Variants in SCLT1 observed in about 807,000 individuals in gnomAD.
The protein encoded by SCLT1 is sodium channel-associated protein 1.
A neutral mutation model predicts 112.8 loss-of-function variants in SCLT1; 78 were observed. The ratio of observed to expected loss-of-function variants is 0.69; its 90% CI spans 0.58 to 0.83. The LOEUF is 0.83. SCLT1 is among the 40% of genes least tolerant of loss of function. SCLT1 has a pLI of 0.00. For synonymous variants in SCLT1, 257 were observed against 254.7 expected (o/e 1.01, Z -0.09); for missense variants, 747 against 770.4 (o/e 0.97, Z 0.36).
intron 8 of SCLT1, among the ~76,000 whole-genome samples, chr4:128,993,937 T>C (rs903095223): frequency 6.6e-6 from 1 of 152,110 alleles, no homozygotes; most frequent in East Asian, 1.9e-4. Context: ...TAGAAATATA[T>C]ACTTTTATGT....
At chr4:129,006,442 GC>G (rs1466175867) in intron 5 of SCLT1, among the ~76,000 whole-genome samples, 1 of 151,288 alleles carries the variant, frequency 6.6e-6, no homozygotes, top group Non-Finnish European at 1.5e-5. Flanking sequence ...GGAGGCTGAG[GC>G]AGAAGAATTG....
Position 129,093,502 on chromosome 4 carries a change from C to G in SCLT1, c.-399G>C, listed in dbSNP as rs1231683782. ...CGGCGGGGGTTGGAGAGGACAACGC[C>G]AAGACGGCTGGGAAGCCCCAGGCCA... On this transcript the variant is annotated 5_prime_UTR_variant, in exon 1 of 21. Coordinates refer to ENST00000281142, the MANE Select transcript of SCLT1 (RefSeq NM_144643.4). The G allele has an allele frequency of 1.0e-5, 2 of 192,484 alleles. No individual in the cohort carries two copies. The highest frequency in any genetic ancestry group is 2.3e-5 in the African/African-American group (1 of 43,000). The allele number at this position is 192,484 out of a possible 1,614,324, so 11.9% of individuals were successfully genotyped here.
intron 18 of SCLT1, among the ~76,000 whole-genome samples, chr4:128,897,022 T>C (rs1445832119): frequency 6.6e-6 from 1 of 152,144 alleles, no homozygotes; most frequent in East Asian, 1.9e-4. Flanking sequence ...TATGGGACTA[T>C]GTGAAAAGAC....
At chr4:129,088,157 T>C (rs1020721968) in intron 1 of SCLT1, among the ~76,000 whole-genome samples, 1 of 151,676 alleles carries the variant, frequency 6.6e-6, no homozygotes, top group African/African-American at 2.4e-5. Context: ...TTCAACAATA[T>C]AGAAAAAGGA....
chr4:128,939,921 A>G (rs575008111), intron 17 of SCLT1, among the ~76,000 whole-genome samples: 1 of 152,332 alleles, frequency 6.6e-6, no homozygotes. Context: ...AGAATCAGTT[A>G]CAAAGCAATT....
chr4:129,015,693 T>A (rs1178855203), intron 5 of SCLT1, among the ~76,000 whole-genome samples: 1 of 152,166 alleles, frequency 6.6e-6, no homozygotes, highest in Non-Finnish European at 1.5e-5. Flanking sequence ...TCTACGATGG[T>A]TGAAGGGTCT....
intron 9 of SCLT1, among the ~76,000 whole-genome samples, chr4:128,990,187 T>C (rs536371717): frequency 3.7e-4 from 56 of 152,078 alleles, no homozygotes; most frequent in African/African-American, 1.3e-3. Context: ...TGAACACAGA[T>C]GCAAAAATCC....
intron 2 of SCLT1, among the ~76,000 whole-genome samples, chr4:129,066,599 A>G (rs1294134212): frequency 1.3e-5 from 2 of 152,096 alleles, no homozygotes; most frequent in Non-Finnish European, 2.9e-5. Flanking sequence ...GTACTGAAAC[A>G]TTATCGCAAA....
chr4:128,946,534 T>C (rs1418887657), intron 15 of SCLT1, among the ~76,000 whole-genome samples: 1 of 152,144 alleles, frequency 6.6e-6, no homozygotes, highest in Non-Finnish European at 1.5e-5. Flanking sequence ...TCATGTCCAC[T>C]GTACTCCAGT....
chr4:129,064,989 G>A (rs1335340677), intron 2 of SCLT1, among the ~76,000 whole-genome samples: 1 of 151,842 alleles, frequency 6.6e-6, no homozygotes, highest in Non-Finnish European at 1.5e-5. Context: ...AGTCATTTAG[G>A]GGAATTTTGT....
intron 2 of SCLT1, among the ~76,000 whole-genome samples, chr4:129,064,934 A>G (rs1750341357): frequency 6.6e-6 from 1 of 152,176 alleles, no homozygotes; most frequent in Non-Finnish European, 1.5e-5. Context: ...TATGCACTGT[A>G]AAATAACATG....
chr4:128,892,905 T>C (rs1733439239), intron 18 of SCLT1, among the ~76,000 whole-genome samples: 1 of 152,220 alleles, frequency 6.6e-6, no homozygotes, highest in African/African-American at 2.4e-5. Context: ...TAAATTATTA[T>C]GCTTACTTTA....
intron 5 of SCLT1, among the ~76,000 whole-genome samples, chr4:129,033,870 A>G (rs975113776): frequency 6.6e-6 from 1 of 152,212 alleles, no homozygotes; most frequent in African/African-American, 2.4e-5. Context: ...ACCAAGATAC[A>G]TATAGAAACC....
chr4:128,886,056 A>G (rs1732870561), intron 20 of SCLT1, among the ~76,000 whole-genome samples: 2 of 152,220 alleles, frequency 1.3e-5, no homozygotes, highest in East Asian at 3.9e-4. Context: ...CACTGACTTT[A>G]TGACTTTTTC....
chr4:129,012,022 T>C (rs1227167899), intron 5 of SCLT1, among the ~76,000 whole-genome samples: 2 of 152,202 alleles, frequency 1.3e-5, no homozygotes, highest in Non-Finnish European at 2.9e-5. Context: ...TTTTTGTGTC[T>C]GAATCTCCCT....
intron 5 of SCLT1, among the ~76,000 whole-genome samples, chr4:129,021,067 C>T (rs766580225): frequency 1.3e-5 from 2 of 152,150 alleles, no homozygotes; most frequent in Non-Finnish European, 2.9e-5. Flanking sequence ...TTCATCTCAT[C>T]GGGACTGGTT....
intron 19 of SCLT1, among the ~76,000 whole-genome samples, chr4:128,890,277 T>A (rs1218171513): frequency 2.0e-5 from 3 of 152,200 alleles, no homozygotes; most frequent in Admixed American, 2.0e-4. Context: ...TTGCTTTTGA[T>A]CTTCCTATAT....
chr4:129,001,163 T>C (rs1486273180), intron 6 of SCLT1, among the ~76,000 whole-genome samples: 3 of 151,992 alleles, frequency 2.0e-5, no homozygotes, highest in Non-Finnish European at 4.4e-5. Flanking sequence ...TGTCCCACTG[T>C]TTCTCCAGAC....
At chr4:128,989,016 A>G (rs1221439544) in intron 9 of SCLT1, among the ~76,000 whole-genome samples, 2 of 151,978 alleles carry the variant, frequency 1.3e-5, no homozygotes, top group Non-Finnish European at 2.9e-5. Flanking sequence ...GTTAGACACC[A>G]ATAAAATAAC....
Sources: gnomAD v4.1 joint callset for allele counts (sites outside exome capture counted in the v4.1 genomes callset) on GRCh38, gnomAD v4.1.1 for gene constraint, MANE v1.5 for transcripts, NCBI Gene and HGNC (gene_info 2026-07-23, HGNC 2026-07-21) for gene names.